COX7B2: variants seen among roughly 807,000 people sequenced by gnomAD.
COX7B2 encodes the protein cytochrome c oxidase subunit 7B2, also known as cytochrome c oxidase subunit 7B2, mitochondrial.
For missense variants in COX7B2, 109 were observed against 95.9 expected (o/e 1.14, Z -0.57); for synonymous variants, 37 against 32.1 (o/e 1.15, Z -0.51).
intron 1 of COX7B2, among the ~76,000 whole-genome samples, chr4:46,905,035 C>T (rs185333404): frequency 8.5e-5 from 13 of 152,232 alleles, no homozygotes; most frequent in African/African-American, 2.9e-4. Flanking sequence ...CTTTTCGAGC[C>T]TATTTTTAAA....
intron 2 of COX7B2, among the ~76,000 whole-genome samples, chr4:46,789,032 A>C (rs993301401): frequency 1.3e-5 from 2 of 152,192 alleles, no homozygotes; most frequent in South Asian, 2.1e-4. Context: ...ATTTAAACTT[A>C]GTATTTTGTT....
At chr4:46,737,881 C>T (rs557895321) in intron 2 of COX7B2, among the ~76,000 whole-genome samples, 2 of 152,234 alleles carry the variant, frequency 1.3e-5, no homozygotes, top group African/African-American at 4.8e-5. Flanking sequence ...CCAAGGTTCT[C>T]TTTTATTTCC....
intron 2 of COX7B2, among the ~76,000 whole-genome samples, chr4:46,757,476 T>TA (rs1715872787): frequency 1.3e-5 from 2 of 152,242 alleles, no homozygotes; most frequent in South Asian, 2.1e-4. Flanking sequence ...GTTATTTTTT[T>TA]AAAAACTCAC....
chr4:46,748,218 G>C (rs1231898616), intron 2 of COX7B2, among the ~76,000 whole-genome samples: 1 of 152,152 alleles, frequency 6.6e-6, no homozygotes, highest in East Asian at 1.9e-4. Flanking sequence ...CCTTAAGTAT[G>C]TCTTACAACA....
At chr4:46,746,495 T>A (rs2109415833) in intron 2 of COX7B2, among the ~76,000 whole-genome samples, 1 of 152,246 alleles carries the variant, frequency 6.6e-6, no homozygotes, top group Non-Finnish European at 1.5e-5. Flanking sequence ...GCAGAATGGA[T>A]ATTGAATGGG....
intron 1 of COX7B2, among the ~76,000 whole-genome samples, chr4:46,878,735 T>C (rs1032049152): frequency 1.3e-5 from 2 of 152,150 alleles, no homozygotes; most frequent in African/African-American, 4.8e-5. Context: ...GCAACTATGA[T>C]TCCTCTAGCT....
chr4:46,772,449 C>T (rs1308185328), intron 2 of COX7B2, among the ~76,000 whole-genome samples: 1 of 151,982 alleles, frequency 6.6e-6, no homozygotes, highest in East Asian at 1.9e-4. Context: ...TCTCACCACA[C>T]AAAGAAAATG....
chr4:46,790,587 A>G (rs1054174374), intron 2 of COX7B2, among the ~76,000 whole-genome samples: 1 of 152,176 alleles, frequency 6.6e-6, no homozygotes, highest in Non-Finnish European at 1.5e-5. Flanking sequence ...AGTCATCCCA[A>G]ACTGTATTTT....
intron 1 of COX7B2, among the ~76,000 whole-genome samples, chr4:46,887,610 C>T (rs1184298701): frequency 1.3e-5 from 2 of 148,894 alleles, no homozygotes; most frequent in African/African-American, 5.0e-5. Context: ...ACTCGGGAGG[C>T]TGAGGCAGAA....
intron 1 of COX7B2, among the ~76,000 whole-genome samples, chr4:46,880,412 C>CTTTTT (rs548281459): frequency 2.3e-5 from 2 of 85,608 alleles, no homozygotes; most frequent in Non-Finnish European, 4.4e-5. Context: ...AGGTCCTGGG[C>CTTTTT]TTTTTTTTTT....
intron 2 of COX7B2, among the ~76,000 whole-genome samples, chr4:46,778,196 A>T (rs1412107497): frequency 1.3e-5 from 2 of 152,290 alleles, no homozygotes; most frequent in African/African-American, 4.8e-5. Flanking sequence ...AAGAACTTTG[A>T]AAATTTCAAG....
chr4:46,861,421 G>GTCTGTTATC (rs1717329204), intron 1 of COX7B2, among the ~76,000 whole-genome samples: 6 of 152,164 alleles, frequency 3.9e-5, no homozygotes. Context: ...AAACCTCTGT[G>GTCTGTTATC]TCTGGTAGAG....
At chr4:46,809,890 T>C (rs1719197250) in intron 2 of COX7B2, among the ~76,000 whole-genome samples, 1 of 152,072 alleles carries the variant, frequency 6.6e-6, no homozygotes, top group African/African-American at 2.4e-5. Context: ...TTTCTCTTTA[T>C]GTTCATTAAT....
intron 1 of COX7B2, among the ~76,000 whole-genome samples, chr4:46,863,676 C>T (rs1332338725): frequency 6.6e-5 from 10 of 152,262 alleles, no homozygotes; most frequent in Non-Finnish European, 1.2e-4. Flanking sequence ...AGGCCTAATA[C>T]GATAATGCTC....
intron 2 of COX7B2, among the ~76,000 whole-genome samples, chr4:46,840,183 C>T (rs1228466219): frequency 6.6e-6 from 1 of 151,848 alleles, no homozygotes; most frequent in Non-Finnish European, 1.5e-5. Flanking sequence ...GTCTACCTTC[C>T]AGGAATGAGA....
intron 1 of COX7B2, among the ~76,000 whole-genome samples, chr4:46,878,017 G>T (rs985674281): frequency 1.5e-5 from 2 of 134,124 alleles, no homozygotes; most frequent in African/African-American, 5.5e-5. Context: ...AAATTGTAGT[G>T]CATACACACA....
intron 1 of COX7B2, among the ~76,000 whole-genome samples, chr4:46,907,536 A>G (rs1018213302): frequency 6.6e-6 from 1 of 152,086 alleles, no homozygotes; most frequent in African/African-American, 2.4e-5. Context: ...ATTTATGAAG[A>G]TTTATGAAAA....
At chr4:46,877,997 A>G (rs1718450682) in intron 1 of COX7B2, among the ~76,000 whole-genome samples, 1 of 151,158 alleles carries the variant, frequency 6.6e-6, no homozygotes, top group Non-Finnish European at 1.5e-5. Context: ...CAATGGATGA[A>G]TGAATAAAGA....
At chr4:46,785,810 C>T (rs536991929) in intron 2 of COX7B2, among the ~76,000 whole-genome samples, 1 of 152,064 alleles carries the variant, frequency 6.6e-6, no homozygotes, top group East Asian at 1.9e-4. Flanking sequence ...TGTTACTATA[C>T]AGCAACCCTG....
Sources: gnomAD v4.1 joint callset for allele counts (sites outside exome capture counted in the v4.1 genomes callset) on GRCh38, gnomAD v4.1.1 for gene constraint, MANE v1.5 for transcripts, NCBI Gene and HGNC (gene_info 2026-07-23, HGNC 2026-07-21) for gene names.